Variants in TENM4 observed in about 807,000 individuals in gnomAD.
TENM4 encodes teneurin-4.
TENM4 carries 82 observed loss-of-function variants against 243.3 expected under a neutral mutation model. The observed-to-expected ratio is 0.34, with a 90% CI of 0.28 to 0.40. The LOEUF (loss-of-function observed/expected upper bound fraction) is 0.40. Among genes scored for constraint, TENM4 ranks in the 10% least tolerant of loss-of-function variants. The pLI is 1.00. For missense variants in TENM4, 3,138 were observed against 3,673.3 expected (o/e 0.85, Z 3.77); for synonymous variants, 1,412 against 1,456.3 (o/e 0.97, Z 0.69).
intron 4 of TENM4, among the ~76,000 whole-genome samples, chr11:79,083,297 C>T (rs1393874364): frequency 6.6e-6 from 1 of 152,204 alleles, no homozygotes; most frequent in Non-Finnish European, 1.5e-5. Flanking sequence ...CATTCTGTCC[C>T]TAGACAAGAT....
At chr11:78,723,543 T>C (rs957667440) in intron 23 of TENM4, among the ~76,000 whole-genome samples, 13 of 152,280 alleles carry the variant, frequency 8.5e-5, no homozygotes. Context: ...ATTAATGGGC[T>C]GATCCCAGCT....
intron 20 of TENM4, among the ~76,000 whole-genome samples, chr11:78,734,399 T>C (rs1855741351): frequency 6.6e-6 from 1 of 152,048 alleles, no homozygotes; most frequent in African/African-American, 2.4e-5. Context: ...TTCCTACTTA[T>C]GCAATTCCAG....
intron 3 of TENM4, among the ~76,000 whole-genome samples, chr11:79,154,296 G>A (rs561874009): frequency 6.6e-6 from 1 of 152,064 alleles, no homozygotes; most frequent in Non-Finnish European, 1.5e-5. Flanking sequence ...GAGTGAGAGA[G>A]AGAGAGGAGG....
intron 22 of TENM4, among the ~76,000 whole-genome samples, chr11:78,727,888 T>C (rs909606200): frequency 6.6e-6 from 1 of 152,210 alleles, no homozygotes; most frequent in Non-Finnish European, 1.5e-5. Context: ...ACTGAGCAGC[T>C]CCTTAAAGTT....
chr11:78,847,042 T>C (rs756827562), intron 12 of TENM4, among the ~76,000 whole-genome samples: 4 of 152,212 alleles, frequency 2.6e-5, no homozygotes, highest in African/African-American at 4.8e-5. Context: ...TCCTTATCTT[T>C]TCTTATTTTT....
At chr11:78,868,222 G>A (rs1439116810) in intron 9 of TENM4, among the ~76,000 whole-genome samples, 5 of 152,062 alleles carry the variant, frequency 3.3e-5, no homozygotes, top group African/African-American at 4.8e-5. Flanking sequence ...TCTGTGTTAC[G>A]TCACAGGATT....
At chr11:79,116,902 G>A (rs1861633378) in intron 4 of TENM4, among the ~76,000 whole-genome samples, 1 of 152,148 alleles carries the variant, frequency 6.6e-6, no homozygotes. Flanking sequence ...TGTATAACAT[G>A]CTTAGCATGG....
chr11:78,746,956 C>G (rs1856065014), intron 19 of TENM4, among the ~76,000 whole-genome samples: 1 of 152,168 alleles, frequency 6.6e-6, no homozygotes, highest in Non-Finnish European at 1.5e-5. Flanking sequence ...AGGGCAGGTC[C>G]TGCTTCACCA....
intron 2 of TENM4, among the ~76,000 whole-genome samples, chr11:79,225,562 C>G (rs1212236995): frequency 6.6e-6 from 1 of 152,148 alleles, no homozygotes. Context: ...ATGTGTACCA[C>G]CATGCTGGCT....
intron 33 of TENM4, among the ~76,000 whole-genome samples, 160 bp downstream of exon 33, chr11:78,661,289 G>A (rs552179105): frequency 2.0e-5 from 3 of 152,334 alleles, no homozygotes; most frequent in African/African-American, 7.2e-5. Flanking sequence ...CAGCTTCCTA[G>A]TGGTGGGTTA....
chr11:79,370,779 T>TAAAACAA (rs1857766656), intron 1 of TENM4, among the ~76,000 whole-genome samples: 1 of 57,144 alleles, frequency 1.7e-5, no homozygotes, highest in African/African-American at 5.9e-5. Context: ...ACTCCTATGG[T>TAAAACAA]AAAAAAAAAA....
chr11:78,980,132 C>A (rs979556117), intron 6 of TENM4, among the ~76,000 whole-genome samples: 1 of 152,142 alleles, frequency 6.6e-6, no homozygotes, highest in Non-Finnish European at 1.5e-5. Context: ...ATAACTGAGT[C>A]CTTTGCTGTC....
At chr11:79,407,326 G>A (rs1054418167) in intron 1 of TENM4, among the ~76,000 whole-genome samples, 4 of 152,188 alleles carry the variant, frequency 2.6e-5, no homozygotes, top group African/African-American at 9.7e-5. Flanking sequence ...TAATTTAAAA[G>A]CATTAAACAG....
chr11:79,393,257 G>A (rs530014135), intron 1 of TENM4, among the ~76,000 whole-genome samples: 2 of 152,068 alleles, frequency 1.3e-5, no homozygotes, highest in Non-Finnish European at 2.9e-5. Context: ...AAAAAGAAGA[G>A]GCTCCGAGAT....
intron 9 of TENM4, among the ~76,000 whole-genome samples, chr11:78,874,963 G>A (rs371715669): frequency 2.6e-5 from 4 of 152,310 alleles, no homozygotes; most frequent in East Asian, 1.9e-4. Context: ...GACATGTTAC[G>A]CCAGTGACAA....
chr11:78,899,564 G>GGGGT (rs1855880505), intron 7 of TENM4, among the ~76,000 whole-genome samples: 1 of 134,844 alleles, frequency 7.4e-6, no homozygotes, highest in Non-Finnish European at 1.6e-5. Context: ...AAAAGCGGGG[G>GGGGT]GGGGGGGAAA....
At chr11:79,091,337 C>T (rs1459466839) in intron 4 of TENM4, among the ~76,000 whole-genome samples, 2 of 152,096 alleles carry the variant, frequency 1.3e-5, no homozygotes, top group East Asian at 1.9e-4. Context: ...TCATAAATGG[C>T]TAATTTATTC....
At chr11:79,215,727 CAG>C (rs1413792085) in intron 3 of TENM4, 79 bp downstream of exon 3, 1 of 977,592 alleles carries the variant, frequency 1.0e-6, no homozygotes, top group African/African-American at 1.8e-5. Context: ...TGCAAATGTT[CAG>C]AGTCTGAGAT....
At chr11:79,396,930 G>C (rs963396310) in intron 1 of TENM4, among the ~76,000 whole-genome samples, 2 of 152,198 alleles carry the variant, frequency 1.3e-5, no homozygotes, top group African/African-American at 4.8e-5. Context: ...GGGAGCCTGG[G>C]CTGCTGTCAT....
Sources: allele counts gnomAD v4.1 joint callset (sites outside exome capture counted in the v4.1 genomes callset), GRCh38; gene constraint gnomAD v4.1.1; transcripts MANE v1.5; gene names NCBI Gene and HGNC (gene_info 2026-07-23, HGNC 2026-07-21).